Variants in STAM observed in about 807,000 individuals in gnomAD.
STAM encodes signal transducing adaptor molecule.
A neutral mutation model predicts 63.4 loss-of-function variants in STAM; 16 were observed. That is an observed-to-expected ratio of 0.25 (90% CI 0.17 to 0.38). STAM has a LOEUF of 0.38. Ranked by LOEUF, STAM falls within the 10% of genes least tolerant of loss-of-function variation. The pLI, the probability that STAM is intolerant of heterozygous loss-of-function variation, is 1.00. For missense variants in STAM, 636 were observed against 657.1 expected (o/e 0.97, Z 0.35); for synonymous variants, 238 against 223.9 (o/e 1.06, Z -0.56).
At chr10:17,701,575 A>G (rs953655983) in intron 9 of STAM, among the ~76,000 whole-genome samples, 7 of 152,190 alleles carry the variant, frequency 4.6e-5, no homozygotes, top group Non-Finnish European at 1.0e-4. Context: ...AGCCTGAAAT[A>G]TTTACTGGCG....
chr10:17,654,664 T>TAATA (rs1368448205), intron 1 of STAM, among the ~76,000 whole-genome samples: 1 of 152,204 alleles, frequency 6.6e-6, no homozygotes, highest in African/African-American at 2.4e-5. Flanking sequence ...TAAACCTTAT[T>TAATA]ATTTTCAAGG....
intron 2 of STAM, among the ~76,000 whole-genome samples, chr10:17,683,693 TG>T (rs1554825736): frequency 7.2e-5 from 11 of 152,204 alleles, no homozygotes; most frequent in Non-Finnish European, 1.5e-5. Context: ...ATTATGTGGA[TG>T]ATTTCCAGCA....
At chr10:17,658,648 C>A (rs1453297519) in intron 1 of STAM, among the ~76,000 whole-genome samples, 1 of 152,018 alleles carries the variant, frequency 6.6e-6, no homozygotes, top group Non-Finnish European at 1.5e-5. Flanking sequence ...GTATGTTCAG[C>A]TAATTTTTGT....
At chr10:17,648,347 C>G (rs1258495072) in intron 1 of STAM, among the ~76,000 whole-genome samples, 1 of 152,136 alleles carries the variant, frequency 6.6e-6, no homozygotes, top group Non-Finnish European at 1.5e-5. Context: ...GTAAAATGGA[C>G]CAATTAGCAC....
chr10:17,667,703 G>A (rs1834453351), intron 2 of STAM, among the ~76,000 whole-genome samples: 1 of 152,158 alleles, frequency 6.6e-6, no homozygotes, highest in Non-Finnish European at 1.5e-5. Context: ...TAACCAGAGT[G>A]CTATAATGGA....
intron 2 of STAM, among the ~76,000 whole-genome samples, chr10:17,669,700 C>CTTTTTTTTTTTTTTTTTTTT (rs1473808785): frequency 7.1e-6 from 1 of 140,570 alleles, no homozygotes; most frequent in African/African-American, 2.6e-5. Context: ...TTCTTTCTTT[C>CTTTTTTTTTTTTTTTTTTTT]TTTTTTTTTT....
chr10:17,657,344 C>T (rs904660610), intron 1 of STAM, among the ~76,000 whole-genome samples: 3 of 152,050 alleles, frequency 2.0e-5, no homozygotes, highest in Non-Finnish European at 4.4e-5. Context: ...CCTCTCCTGC[C>T]CTGCTCGTAC....
intron 2 of STAM, among the ~76,000 whole-genome samples, chr10:17,664,837 G>A (rs369538930): frequency 2.6e-5 from 4 of 152,032 alleles, no homozygotes; most frequent in African/African-American, 7.2e-5. Context: ...TGTAAAGTGC[G>A]GCGATCTTTT....
At chr10:17,679,940 G>C (rs1835011687) in intron 2 of STAM, among the ~76,000 whole-genome samples, 1 of 151,550 alleles carries the variant, frequency 6.6e-6, no homozygotes, top group South Asian at 2.1e-4. Flanking sequence ...TTCCCTCTTT[G>C]TTTTTTGATT....
chr10:17,703,219 T>C (rs1836095808), intron 9 of STAM, among the ~76,000 whole-genome samples: 2 of 152,160 alleles, frequency 1.3e-5, no homozygotes, highest in Non-Finnish European at 2.9e-5. Context: ...AGGCAAACTT[T>C]CTTGACATGT....
chr10:17,690,491 ATGATTTTTTTAGTG>A (rs782221440), intron 5 of STAM, among the ~76,000 whole-genome samples: 27 of 152,228 alleles, frequency 1.8e-4, no homozygotes, highest in Non-Finnish European at 3.2e-4. Flanking sequence ...ATGAGGTAGA[ATGATTTTTTTAGTG>A]GTTTCTGAAA....
intron 1 of STAM, among the ~76,000 whole-genome samples, chr10:17,657,155 T>C (rs943824379): frequency 6.6e-6 from 1 of 152,224 alleles, no homozygotes; most frequent in African/African-American, 2.4e-5. Flanking sequence ...TGAGATTTTA[T>C]TGGAGCCCCC....
intron 9 of STAM, among the ~76,000 whole-genome samples, chr10:17,701,646 C>T (rs1279090677): frequency 2.0e-5 from 3 of 152,126 alleles, no homozygotes; most frequent in East Asian, 1.9e-4. Flanking sequence ...GAATCTTTTC[C>T]GATCCTCAGT....
intron 2 of STAM, among the ~76,000 whole-genome samples, chr10:17,674,737 G>A (rs12261407): frequency 0.13 from 19,329 of 152,136 alleles, 1,395 homozygotes; most frequent in East Asian, 0.26. Flanking sequence ...CCTCTTGAAG[G>A]GAAATGGTAA....
rs891400140 is a variant in STAM at position 17,708,778 on chromosome 10, G to A, written c.1212G>A (p.Val404=). 1 of 1,609,342 alleles carries A rather than the reference G, an allele frequency of 6.2e-7. No homozygotes were observed. The highest frequency in any genetic ancestry group is 8.5e-7 in the Non-Finnish European group (1 of 1,176,826). ...MQSSGVSGSQ[V]YAGPPPSGAY... The stretch of plus-strand genomic sequence containing the variant: ...TGATTTCTCTTTAACCATCGCAGGT[G>A]TATGCAGGGCCTCCTCCAAGTGGTG... The change falls in exon 13 of 14, where the codon GTG becomes GTA. Residue 404 remains valine (V), a splice_region_variant and synonymous_variant. Coordinates refer to ENST00000377524, the MANE Select transcript of STAM (RefSeq NM_003473.4).
At chr10:17,690,269 C>T (rs560458961) in intron 5 of STAM, among the ~76,000 whole-genome samples, 4 of 152,232 alleles carry the variant, frequency 2.6e-5, no homozygotes, top group African/African-American at 9.6e-5. Flanking sequence ...ACCAGGCTTC[C>T]AGTGGAGTGA....
chr10:17,683,741 A>G (rs1835180649), intron 2 of STAM, among the ~76,000 whole-genome samples: 1 of 152,052 alleles, frequency 6.6e-6, no homozygotes, highest in Non-Finnish European at 1.5e-5. Context: ...TTGACTGCTA[A>G]TTTCATCATC....
rs1378048775 is a variant in STAM at position 17,715,194 on chromosome 10, T to C, written c.*414T>C. On this transcript the variant is annotated 3_prime_UTR_variant, in exon 14 of 14. Transcript: ENST00000377524. ...TATTTAACACTGTGTTAAATTAATT[T>C]ACGTTGCTATTTTATTTTAATCATA... The C allele has an allele frequency of 1.2e-5, 2 of 172,186 alleles. No homozygotes were observed. 10.7% of individuals were successfully genotyped at this position (172,186 alleles called of 1,614,324 possible). A position where few individuals can be genotyped will look rare whatever the true frequency, so the allele number is the denominator to read the frequency against.
At chr10:17,701,317 T>A (rs143048946) in intron 9 of STAM, among the ~76,000 whole-genome samples, 56 of 152,318 alleles carry the variant, frequency 3.7e-4, no homozygotes, top group African/African-American at 1.3e-3. Flanking sequence ...CTCAAACTTA[T>A]TACCATGTTT....
Sources: gnomAD v4.1 joint callset for allele counts (sites outside exome capture counted in the v4.1 genomes callset) on GRCh38, gnomAD v4.1.1 for gene constraint, MANE v1.5 for transcripts, NCBI Gene and HGNC (gene_info 2026-07-23, HGNC 2026-07-21) for gene names.